The following ATG4A variants were observed in gnomAD, a reference collection of about 807,000 sequenced individuals.
ATG4A encodes the protein cysteine protease ATG4A.
ATG4A carries 22 observed loss-of-function variants against 38.4 expected under a neutral mutation model. The ratio of observed to expected loss-of-function variants is 0.57; its 90% CI spans 0.41 to 0.82. The LOEUF is 0.82. Ranked by LOEUF, ATG4A falls within the 40% of genes least tolerant of loss-of-function variation. ATG4A has a pLI of 0.00. For synonymous variants in ATG4A, 86 were observed against 100.7 expected, an observed-to-expected ratio of 0.85 and a Z score of 0.88; for missense variants, 220 against 290.0, an observed-to-expected ratio of 0.76 and a Z score of 1.75.
Position 108,151,845 on chromosome X carries a change from G to A in ATG4A, c.1004G>A (p.Ser335Asn). The A allele has an allele frequency of 8.3e-7, 1 of 1,204,191 alleles. No individual in the cohort carries two copies. The highest frequency in any genetic ancestry group is 2.2e-5 in the Admixed American group (1 of 45,924). ...KEEKDFDNWCSLVQKEILKEN... is the reference protein window; with the variant it reads ...KEEKDFDNWCNLVQKEILKEN... ...GAAAAAGACTTTGATAACTGGTGTAGCCTTGTTCAGAAGGTAAAGCTATAT... is the reference window on the plus strand; with the variant it reads ...GAAAAAGACTTTGATAACTGGTGTAACCTTGTTCAGAAGGTAAAGCTATAT... The change falls in exon 11 of 13, where the codon AGC becomes AAC. Residue 335 changes from serine (S) to asparagine (N), a missense_variant. Physicochemically the swap from Ser to Asn is conservative, Grantham distance 46. Transcript: ENST00000372232.
At chrX:108,097,169 G>A (rs771740877) in intron 1 of ATG4A, among the ~76,000 whole-genome samples, 12 of 112,059 alleles carry the variant, frequency 1.1e-4, no homozygotes, top group Non-Finnish European at 2.1e-4. Context: ...GCACAGAGGA[G>A]AGAAGTTACA....
chrX:108,137,656 C>T (rs1036249780), intron 7 of ATG4A, 148 bp from the exon 8 acceptor site: 19 of 493,411 alleles, frequency 3.9e-5, no homozygotes, highest in Admixed American at 1.9e-4. Context: ...TTTGTGCAGG[C>T]GGGGAGTCAG....
At position 108,153,059 on chromosome X, in the gene ATG4A, C is replaced by T; in HGVS notation, c.1098C>T (p.Ala366=). Residue 366 remains alanine, a synonymous_variant, in exon 12 of 13, where the codon GCC becomes GCT. Transcript: ENST00000372232. ...PSHWPPFVPP[A]KPEVTTTGAE... is the part of the protein sequence containing the mutation. ...ACTGGCCTCCCTTTGTACCTCCAGC[C>T]AAGCCAGAAGTGACAACCACTGGGG... 1.7e-6 allele frequency: 2 copies of T among 1,210,499 alleles called. No individual in the cohort carries two copies. Among genetic ancestry groups the T allele is most frequent in the Non-Finnish European group, 2.2e-6 (2 of 894,327 alleles).
chrX:108,108,725 A>G (rs536287156), intron 1 of ATG4A, among the ~76,000 whole-genome samples: 1 of 111,685 alleles, frequency 9.0e-6, no homozygotes, highest in East Asian at 2.8e-4. Flanking sequence ...TTTATCTTGG[A>G]AATCTGAAAC....
intron 1 of ATG4A, among the ~76,000 whole-genome samples, chrX:108,118,124 A>G (rs1260139575): frequency 1.8e-5 from 2 of 112,433 alleles, no homozygotes; most frequent in East Asian, 2.8e-4. Flanking sequence ...TCAGTTAAAC[A>G]TAACTATAAT....
At chrX:108,129,447 A>G (rs2032889605) in intron 3 of ATG4A, among the ~76,000 whole-genome samples, 1 of 111,892 alleles carries the variant, frequency 8.9e-6, no homozygotes, top group Non-Finnish European at 1.9e-5. Context: ...TCCTAGTATC[A>G]TGGCCCTGTA....
intron 9 of ATG4A, among the ~76,000 whole-genome samples, chrX:108,143,209 A>G (rs1264752942): frequency 8.9e-6 from 1 of 112,541 alleles, no homozygotes; most frequent in African/African-American, 3.2e-5. Flanking sequence ...GAAGGAGGAA[A>G]TGTTCATGAC....
intron 1 of ATG4A, among the ~76,000 whole-genome samples, chrX:108,097,246 A>G (rs1248377815): frequency 1.1e-4 from 12 of 112,181 alleles, no homozygotes; most frequent in Admixed American, 3.8e-4. Flanking sequence ...CCAAAGTCCT[A>G]CTACTTAACC....
chrX:108,092,720 C>CT (rs201424935), intron 1 of ATG4A, among the ~76,000 whole-genome samples: 1,334 of 111,917 alleles, frequency 0.012, 24 homozygotes, highest in African/African-American at 0.041. Flanking sequence ...TAATTGAGTA[C>CT]TTTTTTTGTA....
intron 1 of ATG4A, among the ~76,000 whole-genome samples, chrX:108,109,657 G>A (rs975006004): frequency 2.7e-5 from 3 of 111,947 alleles, no homozygotes; most frequent in Non-Finnish European, 5.6e-5. Context: ...TTTGTATATG[G>A]TATATGCTAA....
intron 1 of ATG4A, among the ~76,000 whole-genome samples, chrX:108,111,731 G>A (rs1004694799): frequency 9.0e-6 from 1 of 111,199 alleles, no homozygotes; most frequent in Non-Finnish European, 1.9e-5. Context: ...GTAAAACCTT[G>A]GTTACTTGAC....
At chrX:108,107,087 T>A (rs781733542) in intron 1 of ATG4A, among the ~76,000 whole-genome samples, 6 of 111,889 alleles carry the variant, frequency 5.4e-5, no homozygotes, top group Non-Finnish European at 9.4e-5. Context: ...GATTTTCACC[T>A]ATTTTTTTTT....
intron 9 of ATG4A, among the ~76,000 whole-genome samples, chrX:108,140,926 A>C (rs1446695701): frequency 1.4e-5 from 1 of 69,383 alleles, no homozygotes; most frequent in African/African-American, 5.1e-5. Flanking sequence ...ATACATATAT[A>C]CATATATATA....
chrX:108,143,330 A>T (rs2033349760), intron 9 of ATG4A, among the ~76,000 whole-genome samples: 1 of 111,484 alleles, frequency 9.0e-6, no homozygotes, highest in Non-Finnish European at 1.9e-5. Flanking sequence ...ACACTTCAGC[A>T]GGTCATGTTT....
At chrX:108,152,284 GAGTGC>G (rs1278493895) in intron 11 of ATG4A, among the ~76,000 whole-genome samples, 1 of 111,353 alleles carries the variant, frequency 9.0e-6, no homozygotes, top group Non-Finnish European at 1.9e-5. Context: ...ACCCAGGCTG[GAGTGC>G]AGTGGCGGGA....
At chrX:108,130,825 G>T (rs929914159) in intron 3 of ATG4A, among the ~76,000 whole-genome samples, 5 of 111,744 alleles carry the variant, frequency 4.5e-5, no homozygotes, top group Admixed American at 9.5e-5. Flanking sequence ...GATTGCCTTT[G>T]GTAGTATTTG....
intron 1 of ATG4A, among the ~76,000 whole-genome samples, chrX:108,115,118 CGTGTGTGTGT>C (rs748772447): frequency 5.5e-5 from 5 of 90,188 alleles, no homozygotes; most frequent in Non-Finnish European, 1.1e-4. Context: ...TGCATGTATG[CGTGTGTGTGT>C]GTGTGTGTGT....
At chrX:108,115,630 A>AT (rs1422012437) in intron 1 of ATG4A, among the ~76,000 whole-genome samples, 6 of 112,203 alleles carry the variant, frequency 5.3e-5, no homozygotes, top group Admixed American at 3.8e-4. Flanking sequence ...AAATTTTTTA[A>AT]TCCATTTCCC....
At chrX:108,115,423 G>T (rs2032480501) in intron 1 of ATG4A, among the ~76,000 whole-genome samples, 1 of 111,379 alleles carries the variant, frequency 9.0e-6, no homozygotes, top group South Asian at 3.8e-4. Context: ...CCTCCTCCCA[G>T]GTAATACCAC....
Sources: allele counts gnomAD v4.1 joint callset (sites outside exome capture counted in the v4.1 genomes callset), GRCh38; gene constraint gnomAD v4.1.1; transcripts MANE v1.5; gene names NCBI Gene and HGNC (gene_info 2026-07-23, HGNC 2026-07-21).